Variants in DGKB observed in about 807,000 individuals in gnomAD.
DGKB encodes 90 kDa diacylglycerol kinase.
Under a neutral mutation model 114.3 loss-of-function variants are expected in DGKB, and 67 were observed. That is an observed-to-expected ratio of 0.59 (90% CI 0.48 to 0.72). DGKB has a LOEUF of 0.72. Among genes scored for constraint, DGKB ranks in the 30% least tolerant of loss-of-function variants. The pLI, the probability that DGKB is intolerant of heterozygous loss-of-function variation, is 0.00. For synonymous variants in DGKB, 398 were observed against 323.1 expected (o/e 1.23, Z -2.49); for missense variants, 907 against 975.2 (o/e 0.93, Z 0.93).
At chr7:14,348,825 A>G (rs1050917128) in intron 21 of DGKB, among the ~76,000 whole-genome samples, 18 of 151,794 alleles carry the variant, frequency 1.2e-4, no homozygotes, top group African/African-American at 4.4e-4. Context: ...AAGTAGTAGA[A>G]GGCAAGCAGA....
chr7:14,532,626 C>G (rs1423026321), intron 20 of DGKB, among the ~76,000 whole-genome samples: 3 of 150,758 alleles, frequency 2.0e-5, no homozygotes, highest in Admixed American at 6.6e-5. Flanking sequence ...CAATAAATCA[C>G]CAAAATGCAT....
At chr7:14,808,377 T>C (rs2128070990) in intron 2 of DGKB, among the ~76,000 whole-genome samples, 1 of 152,166 alleles carries the variant, frequency 6.6e-6, no homozygotes, top group East Asian at 1.9e-4. Flanking sequence ...GAGGTAGTTG[T>C]AGAAAATATC....
chr7:14,798,109 A>C (rs1030452990), intron 2 of DGKB, among the ~76,000 whole-genome samples: 1 of 152,148 alleles, frequency 6.6e-6, no homozygotes, highest in African/African-American at 2.4e-5. Context: ...GCATCATTCG[A>C]TTAGTTAAAA....
Position 14,920,215 on chromosome 7 carries a change from G to T in DGKB, c.-188+54481C>A, listed in dbSNP as rs189768017. ...AAAGATACTGTTAAGAGAATAAAAA[G>T]ATATGCTACAGCCTCAAAGACAGTA... On this transcript the variant is annotated intron_variant, in intron 1 of 4. Transcript: ENST00000437998. Among the ~76,000 whole-genome samples, 241 of 152,178 alleles carry T rather than the reference G, an allele frequency of 1.6e-3. 2 individuals carry two copies. The highest frequency in any genetic ancestry group is 5.0e-3 in the East Asian group (26 of 5,176).
chr7:14,586,819 C>G (rs1243704134), intron 17 of DGKB, among the ~76,000 whole-genome samples: 1 of 150,390 alleles, frequency 6.6e-6, no homozygotes, highest in African/African-American at 2.5e-5. Flanking sequence ...GCATGGTTTA[C>G]TGAGTATTTT....
chr7:14,833,533 G>A (rs1846717377), intron 2 of DGKB, among the ~76,000 whole-genome samples: 1 of 152,084 alleles, frequency 6.6e-6, no homozygotes, highest in South Asian at 2.1e-4. Flanking sequence ...AAAGGGGAGA[G>A]GGGCTTGACT....
chr7:14,706,974 A>C (rs1826368742), intron 6 of DGKB, among the ~76,000 whole-genome samples: 1 of 149,462 alleles, frequency 6.7e-6, no homozygotes, highest in African/African-American at 2.5e-5. Flanking sequence ...ATCAGAGCAG[A>C]ACTGAAGGAA....
intron 1 of DGKB, among the ~76,000 whole-genome samples, chr7:14,891,776 A>C (rs578141352): frequency 8.6e-4 from 130 of 151,608 alleles, no homozygotes; most frequent in African/African-American, 3.1e-3. Flanking sequence ...TTTCATAAGA[A>C]AATATGAAGT....
At chr7:14,595,644 T>C (rs544622942) in intron 17 of DGKB, among the ~76,000 whole-genome samples, 2 of 151,304 alleles carry the variant, frequency 1.3e-5, no homozygotes, top group Non-Finnish European at 3.0e-5. Flanking sequence ...AAAAATCACA[T>C]TAGATTGTAA....
At chr7:14,481,508 A>C (rs1002856903) in intron 20 of DGKB, among the ~76,000 whole-genome samples, 1 of 151,962 alleles carries the variant, frequency 6.6e-6, no homozygotes, top group African/African-American at 2.4e-5. Flanking sequence ...TCTCACAAAT[A>C]GTTTCTAAAA....
At chr7:14,549,687 G>A (rs928806570) in intron 20 of DGKB, among the ~76,000 whole-genome samples, 2 of 152,126 alleles carry the variant, frequency 1.3e-5, no homozygotes, top group African/African-American at 2.4e-5. Context: ...TGAAAGGAAA[G>A]ACGATTAAAA....
intron 6 of DGKB, among the ~76,000 whole-genome samples, chr7:14,712,815 C>G (rs561390658): frequency 1.6e-4 from 25 of 152,032 alleles, no homozygotes; most frequent in Non-Finnish European, 2.6e-4. Context: ...ATAATATAGA[C>G]ATTATTAATA....
chr7:14,418,841 C>G (rs1826211885), intron 21 of DGKB, among the ~76,000 whole-genome samples: 1 of 151,794 alleles, frequency 6.6e-6, no homozygotes, highest in African/African-American at 2.4e-5. Flanking sequence ...ATAGATGTGA[C>G]AAAAAGGTGA....
intron 1 of DGKB, among the ~76,000 whole-genome samples, chr7:14,919,884 C>T (rs1784431961): frequency 6.6e-6 from 1 of 152,146 alleles, no homozygotes; most frequent in Admixed American, 6.5e-5. Context: ...CATGCTTTCT[C>T]CTCCTGCACC....
At chr7:14,354,180 A>G (rs552476430) in intron 21 of DGKB, among the ~76,000 whole-genome samples, 87 of 152,312 alleles carry the variant, frequency 5.7e-4, no homozygotes, top group African/African-American at 1.9e-3. Flanking sequence ...TCTCTATAAT[A>G]TAAATAGGAA....
At chr7:14,293,961 T>G (rs1802140038) in intron 23 of DGKB, among the ~76,000 whole-genome samples, 1 of 152,196 alleles carries the variant, frequency 6.6e-6, no homozygotes, top group African/African-American at 2.4e-5. Flanking sequence ...CAACACAGAT[T>G]TCTTATCTTT....
chr7:14,394,799 T>G (rs2128715567), intron 21 of DGKB, among the ~76,000 whole-genome samples: 1 of 152,252 alleles, frequency 6.6e-6, no homozygotes, highest in African/African-American at 2.4e-5. Context: ...AACAGCATAT[T>G]GTTCTCTTCT....
At chr7:14,695,937 C>A (rs1823798101) in intron 8 of DGKB, among the ~76,000 whole-genome samples, 1 of 152,118 alleles carries the variant, frequency 6.6e-6, no homozygotes, top group Non-Finnish European at 1.5e-5. Flanking sequence ...TAATGTACAA[C>A]TTTGTACCAT....
intron 23 of DGKB, among the ~76,000 whole-genome samples, chr7:14,268,114 A>G (rs1355314580): frequency 6.6e-6 from 1 of 152,096 alleles, no homozygotes; most frequent in African/African-American, 2.4e-5. Context: ...CTTACTATCT[A>G]GCTCACTGAT....
Sources: allele counts gnomAD v4.1 joint callset (sites outside exome capture counted in the v4.1 genomes callset), GRCh38; gene constraint gnomAD v4.1.1; transcripts MANE v1.5; gene names NCBI Gene and HGNC (gene_info 2026-07-23, HGNC 2026-07-21).